Variants in PRKCA observed in about 807,000 individuals in gnomAD.
PRKCA encodes the protein protein kinase C alpha type.
PRKCA carries 27 observed loss-of-function variants against 87.0 expected under a neutral mutation model. That is an observed-to-expected ratio of 0.31 (90% CI 0.23 to 0.43). PRKCA has a LOEUF of 0.43. Among genes scored for constraint, PRKCA ranks in the 20% least tolerant of loss-of-function variants. The pLI is 1.00. For synonymous variants in PRKCA, 329 were observed against 311.1 expected, an observed-to-expected ratio of 1.06 and a Z score of -0.61; for missense variants, 518 against 852.3, an observed-to-expected ratio of 0.61 and a Z score of 4.88.
At chr17:66,308,673 C>T (rs1246843865) in intron 2 of PRKCA, among the ~76,000 whole-genome samples, 1 of 152,050 alleles carries the variant, frequency 6.6e-6, no homozygotes, top group East Asian at 1.9e-4. Flanking sequence ...TACTGTGTCT[C>T]ATCTGTATTT....
At chr17:66,580,098 G>C (rs1249226047) in intron 3 of PRKCA, among the ~76,000 whole-genome samples, 2 of 152,158 alleles carry the variant, frequency 1.3e-5, no homozygotes, top group Non-Finnish European at 2.9e-5. Context: ...TAGTTACAAA[G>C]CTAAGAAGCA....
At chr17:66,768,303 T>A (rs1355739536) in intron 13 of PRKCA, among the ~76,000 whole-genome samples, 1 of 150,400 alleles carries the variant, frequency 6.6e-6, no homozygotes, top group African/African-American at 2.5e-5. Flanking sequence ...CCCAAGCTGG[T>A]CTCCAATTCC....
At chr17:66,378,231 G>A (rs1437230200) in intron 2 of PRKCA, among the ~76,000 whole-genome samples, 1 of 152,166 alleles carries the variant, frequency 6.6e-6, no homozygotes, top group African/African-American at 2.4e-5. Flanking sequence ...GCTGAGGCAG[G>A]AGAATCGCTT....
intron 2 of PRKCA, among the ~76,000 whole-genome samples, chr17:66,425,157 A>C (rs1912728356): frequency 6.6e-6 from 1 of 152,154 alleles, no homozygotes; most frequent in African/African-American, 2.4e-5. Context: ...CAGAAGCTGC[A>C]CAATTTTTGA....
chr17:66,412,112 C>T (rs935960295), intron 2 of PRKCA, among the ~76,000 whole-genome samples: 2 of 151,696 alleles, frequency 1.3e-5, no homozygotes, highest in Admixed American at 6.6e-5. Context: ...TGTTCCATCA[C>T]CCAGGCTGGA....
intron 5 of PRKCA, among the ~76,000 whole-genome samples, chr17:66,685,906 C>T (rs1225742232): frequency 6.6e-6 from 1 of 152,184 alleles, no homozygotes; most frequent in Admixed American, 6.5e-5. Context: ...GCTTGGTAAA[C>T]ACAGATCATT....
chr17:66,491,664 A>G (rs915151012), intron 2 of PRKCA, among the ~76,000 whole-genome samples: 6 of 152,230 alleles, frequency 3.9e-5, no homozygotes, highest in Non-Finnish European at 7.3e-5. Flanking sequence ...GCCAGGGGAA[A>G]CCCTATGATG....
chr17:66,608,950 A>G (rs896038663), intron 3 of PRKCA, among the ~76,000 whole-genome samples: 1 of 152,342 alleles, frequency 6.6e-6, no homozygotes. Context: ...GGGCAGCACA[A>G]TCAATCCGCC....
rs1968694651 is a variant in PRKCA at position 66,562,002 on chromosome 17, AT to A, written c.288+65720del. ...GAATAGTGTGAATGTACTTACTGCC[AT>A]ACAACTGTACACTTAAAAATGGTTA... On this transcript the variant is annotated intron_variant, in intron 3 of 16. Coordinates refer to ENST00000413366, the MANE Select transcript of PRKCA (RefSeq NM_002737.3). Among the ~76,000 whole-genome samples the A allele has an allele frequency of 2.0e-5, 3 of 149,628 alleles. No homozygotes were observed. In the Admixed American group the frequency reaches 2.0e-4, roughly 10 times the overall value.
intron 3 of PRKCA, among the ~76,000 whole-genome samples, chr17:66,547,516 G>A (rs1968182154): frequency 2.0e-5 from 3 of 152,154 alleles, no homozygotes; most frequent in South Asian, 4.1e-4. Context: ...AGTAAGTTGA[G>A]TGCTGGTTTC....
intron 5 of PRKCA, among the ~76,000 whole-genome samples, chr17:66,646,230 TC>T (rs1187243415): frequency 6.6e-6 from 1 of 152,138 alleles, no homozygotes; most frequent in Non-Finnish European, 1.5e-5. Context: ...GCCTGGTTAC[TC>T]CCTCCTCGGG....
chr17:66,387,912 C>T (rs1004511591), intron 2 of PRKCA, among the ~76,000 whole-genome samples: 3 of 152,246 alleles, frequency 2.0e-5, no homozygotes, highest in Admixed American at 2.0e-4. Context: ...TTTCACAGTG[C>T]CCAGGCTTAA....
chr17:66,675,980 C>T (rs968795967), intron 5 of PRKCA, among the ~76,000 whole-genome samples: 2 of 152,136 alleles, frequency 1.3e-5, no homozygotes, highest in African/African-American at 2.4e-5. Flanking sequence ...ACAGCTTGAC[C>T]GCCCCCGGAA....
chr17:66,497,902 T>C (rs369398618), intron 3 of PRKCA, among the ~76,000 whole-genome samples: 38 of 152,176 alleles, frequency 2.5e-4, no homozygotes, highest in African/African-American at 9.2e-4. Context: ...ACATGCACAA[T>C]GGGGTTAGGG....
At chr17:66,471,270 A>G (rs966503445) in intron 2 of PRKCA, among the ~76,000 whole-genome samples, 5 of 152,254 alleles carry the variant, frequency 3.3e-5, no homozygotes, top group Admixed American at 6.5e-5. Flanking sequence ...CTTGCATATC[A>G]AATATACTTT....
At chr17:66,368,379 TATA>T (rs1908874570) in intron 2 of PRKCA, among the ~76,000 whole-genome samples, 3 of 36,732 alleles carry the variant, frequency 8.2e-5, no homozygotes, top group East Asian at 9.1e-4. Context: ...TATATATATA[TATA>T]TATATTTTTT....
chr17:66,445,385 C>G (rs948789130), intron 2 of PRKCA, among the ~76,000 whole-genome samples: 10 of 152,380 alleles, frequency 6.6e-5, no homozygotes, highest in South Asian at 4.1e-4. Flanking sequence ...GATCCTGACA[C>G]TGGAGAGTCC....
chr17:66,671,209 CAAAAAAAAAA>C (rs778507190), intron 5 of PRKCA, among the ~76,000 whole-genome samples: 626 of 48,466 alleles, frequency 0.013, 12 homozygotes, highest in African/African-American at 0.051. Context: ...AGACTCATCT[CAAAAAAAAAA>C]AAAAAAAAAA....
intron 2 of PRKCA, among the ~76,000 whole-genome samples, chr17:66,334,174 C>T (rs191669914): frequency 5.2e-4 from 79 of 152,160 alleles, no homozygotes; most frequent in South Asian, 4.1e-3. Context: ...CGCTTGAACC[C>T]GGGAGTTGGA....
Sources: gnomAD v4.1 joint callset for allele counts (sites outside exome capture counted in the v4.1 genomes callset) on GRCh38, gnomAD v4.1.1 for gene constraint, MANE v1.5 for transcripts, NCBI Gene and HGNC (gene_info 2026-07-23, HGNC 2026-07-21) for gene names.